Variants in RELN observed in about 807,000 individuals in gnomAD.
RELN encodes reelin.
A neutral mutation model predicts 427.6 loss-of-function variants in RELN; 108 were observed. The observed-to-expected ratio is 0.25, with a 90% CI of 0.22 to 0.30. The LOEUF is 0.30. RELN is among the 10% of genes least tolerant of loss of function. The probability of loss-of-function intolerance (pLI) is 1.00; values close to 1 mark genes in which losing one functional copy is unlikely to be tolerated. For synonymous variants in RELN, 1,524 were observed against 1,513.4 expected, an observed-to-expected ratio of 1.01 and a Z score of -0.16; for missense variants, 3,715 against 4,302.8, an observed-to-expected ratio of 0.86 and a Z score of 3.82.
chr7:103,852,781 T>G (rs1793856078), intron 2 of RELN, among the ~76,000 whole-genome samples: 2 of 152,044 alleles, frequency 1.3e-5, no homozygotes, highest in African/African-American at 4.8e-5. Flanking sequence ...ATATTACAAT[T>G]ATTTCAAGAA....
intron 16 of RELN, among the ~76,000 whole-genome samples, chr7:103,648,810 T>A (rs189319295): frequency 1.3e-5 from 2 of 152,064 alleles, no homozygotes; most frequent in East Asian, 3.9e-4. Flanking sequence ...AAAGAAGACA[T>A]ACAAATGACC....
chr7:103,591,691 G>A (rs993239966), intron 27 of RELN, among the ~76,000 whole-genome samples: 22 of 152,122 alleles, frequency 1.4e-4, no homozygotes, highest in African/African-American at 1.9e-4. Flanking sequence ...TTAACTTTTT[G>A]TCTTAAATTT....
chr7:103,483,069 AAATC>A, intron 62 of RELN, 98 bp from the exon 63 acceptor site: 3 of 905,276 alleles, frequency 3.3e-6, no homozygotes, highest in East Asian at 2.4e-5. Flanking sequence ...AGGCTAATCT[AAATC>A]AACAAAATGT....
intron 15 of RELN, 71 bp from the exon 16 acceptor site, chr7:103,650,454 T>A: frequency 2.1e-6 from 2 of 970,518 alleles, no homozygotes; most frequent in Non-Finnish European, 3.4e-6. Flanking sequence ...TTACATGGTT[T>A]TCATGTTCTA....
intron 2 of RELN, among the ~76,000 whole-genome samples, chr7:103,869,919 T>A (rs1332658803): frequency 1.3e-5 from 2 of 152,156 alleles, no homozygotes; most frequent in Non-Finnish European, 2.9e-5. Flanking sequence ...ATCCCTGAAG[T>A]CTTTCTTCAA....
At chr7:103,892,459 T>A (rs1439245116) in intron 2 of RELN, among the ~76,000 whole-genome samples, 1 of 152,152 alleles carries the variant, frequency 6.6e-6, no homozygotes, top group East Asian at 1.9e-4. Context: ...ACATTAGTAC[T>A]TTTTTCCTCT....
chr7:103,579,611 A>C (rs535141001), intron 28 of RELN, among the ~76,000 whole-genome samples: 57 of 152,160 alleles, frequency 3.7e-4, no homozygotes, highest in African/African-American at 1.2e-3. Flanking sequence ...AAAAAAAAAA[A>C]AAAAAAGTAC....
intron 51 of RELN, among the ~76,000 whole-genome samples, chr7:103,509,543 A>G (rs1313040931): frequency 6.6e-6 from 1 of 152,226 alleles, no homozygotes; most frequent in Non-Finnish European, 1.5e-5. Context: ...ACCTAAAACC[A>G]TAAAAACCCT....
At chr7:103,987,185 A>C (rs1339988421) in intron 1 of RELN, among the ~76,000 whole-genome samples, 1 of 152,168 alleles carries the variant, frequency 6.6e-6, no homozygotes, top group East Asian at 1.9e-4. Flanking sequence ...ACAATTCTCA[A>C]AGCTTATAAT....
chr7:103,787,426 T>C (rs1298140581), intron 3 of RELN, among the ~76,000 whole-genome samples: 3 of 151,482 alleles, frequency 2.0e-5, no homozygotes, highest in East Asian at 1.9e-4. Flanking sequence ...GCAAAATAGA[T>C]AGACCACTGG....
rs896069835 is a variant in RELN, at chr7:103,574,162, T to C, written c.4441A>G (p.Lys1481Glu). The C allele has an allele frequency of 5.0e-6, 8 of 1,614,086 alleles. No individual in the cohort carries two copies. In the Admixed American group the frequency reaches 1.0e-4, roughly 20 times the overall value. The change falls in exon 30 of 65, where the codon AAA becomes GAA. Residue 1481 changes from lysine (K) to glutamate (E), a missense_variant. By Grantham distance (56) the Lys-to-Glu change is moderately conservative. Around this residue, in one of 4 missense-constraint regions of RELN, gnomAD observed 2,208 missense variants for 2,361.7 expected, o/e 0.93. Transcript: ENST00000428762. ...GTGCGTLNDG[K>E]SLYFNGPGKR... is the part of the protein sequence containing the mutation. ...CCAGGGCCATTGAAGTAGAGAGATT[T>C]GCCATCGTTAAGTGTTCCACAGCCA...
At chr7:103,547,586 C>G (rs535779242) in intron 41 of RELN, among the ~76,000 whole-genome samples, 4 of 152,302 alleles carry the variant, frequency 2.6e-5, no homozygotes, top group Admixed American at 2.0e-4. Flanking sequence ...CGTGAGTCAC[C>G]ATGTCCAGTC....
At chr7:103,610,622 A>C (rs1831928263) in intron 22 of RELN, 73 bp downstream of exon 22, 1 of 811,924 alleles carries the variant, frequency 1.2e-6, no homozygotes, top group Non-Finnish European at 2.2e-6. Flanking sequence ...TACTTGAATC[A>C]ATAGAGACAG....
chr7:103,518,580 C>A (rs1314482445), intron 49 of RELN, among the ~76,000 whole-genome samples: 1 of 148,406 alleles, frequency 6.7e-6, no homozygotes, highest in Non-Finnish European at 1.5e-5. Context: ...AAGTGATCCT[C>A]CTGCCTTGGC....
chr7:103,524,014 T>C (rs1387697288), intron 46 of RELN, among the ~76,000 whole-genome samples: 1 of 152,198 alleles, frequency 6.6e-6, no homozygotes, highest in East Asian at 1.9e-4. Context: ...ACATTGTTTA[T>C]AGTCAAACCA....
At chr7:103,791,956 G>T (rs962854620) in intron 3 of RELN, among the ~76,000 whole-genome samples, 13 of 152,028 alleles carry the variant, frequency 8.6e-5, no homozygotes, top group Admixed American at 8.5e-4. Context: ...AATACAAATG[G>T]TCAATAAACA....
intron 3 of RELN, among the ~76,000 whole-genome samples, chr7:103,792,581 G>A (rs1209640267): frequency 6.6e-6 from 1 of 151,210 alleles, no homozygotes; most frequent in Admixed American, 6.6e-5. Context: ...TGGGGGGATG[G>A]GGAAATGTAA....
intron 1 of RELN, among the ~76,000 whole-genome samples, chr7:103,944,399 T>C (rs1338964199): frequency 6.6e-6 from 1 of 152,102 alleles, no homozygotes; most frequent in Non-Finnish European, 1.5e-5. Context: ...TTCGGTCCTT[T>C]GCCAAAGGAT....
chr7:103,654,678 C>A (rs1832989676), intron 12 of RELN, among the ~76,000 whole-genome samples: 1 of 152,048 alleles, frequency 6.6e-6, no homozygotes. Context: ...AATATTTTAG[C>A]ATATTATTTG....
Sources: allele counts gnomAD v4.1 joint callset (sites outside exome capture counted in the v4.1 genomes callset), GRCh38; gene constraint gnomAD v4.1.1; regional missense constraint gnomAD v4.1.1; transcripts MANE v1.5; gene names NCBI Gene and HGNC (gene_info 2026-07-23, HGNC 2026-07-21).